The following SDR9C7 variants were observed in gnomAD, a reference collection of about 807,000 sequenced individuals.
SDR9C7 encodes the protein short-chain dehydrogenase/reductase family 9C member 7.
A neutral mutation model predicts 23.6 loss-of-function variants in SDR9C7; 11 were observed. That is an observed-to-expected ratio of 0.47 (90% CI 0.29 to 0.77). The LOEUF (loss-of-function observed/expected upper bound fraction) is 0.77, where lower values mean the gene tolerates loss of function less well. Among genes scored for constraint, SDR9C7 ranks in the 30% least tolerant of loss-of-function variants. The pLI is 0.09. For missense variants in SDR9C7, 387 were observed against 407.1 expected, an observed-to-expected ratio of 0.95 and a Z score of 0.42; for synonymous variants, 167 against 157.3, an observed-to-expected ratio of 1.06 and a Z score of -0.46.
At position 56,924,150 on chromosome 12, in the gene SDR9C7, C is replaced by T. The variant is rs892110921; in HGVS notation, c.725-100G>A. 53 of 802,270 alleles carry T rather than the reference C, an allele frequency of 6.6e-5. No individual in the cohort carries two copies. The Admixed American group carries it at 1.3e-3, about 20-fold the overall frequency. 49.7% of individuals were successfully genotyped at this position (802,270 alleles called of 1,614,324 possible). A position where few individuals can be genotyped will look rare whatever the true frequency, so the allele number is the denominator to read the frequency against. On this transcript the variant is annotated intron_variant, in intron 3 of 3. Transcript: ENST00000293502. Reference sequence around the variant, plus strand: ...GTTCCCTTTCCATCAGATCCCTGATCTAACATTTCAGGCAGGTCCGCCACA... The same window carrying T: ...GTTCCCTTTCCATCAGATCCCTGATTTAACATTTCAGGCAGGTCCGCCACA...
chr12:56,933,824 T>A (rs1674077445), intron 1 of SDR9C7, 137 bp downstream of exon 1: 1 of 1,022,576 alleles, frequency 9.8e-7, no homozygotes, highest in Non-Finnish European at 1.4e-6. Context: ...CCAATCAGAT[T>A]GAGGCAGGGG....
chr12:56,931,297 A>C (rs1380016744), intron 1 of SDR9C7, among the ~76,000 whole-genome samples: 1 of 152,010 alleles, frequency 6.6e-6, no homozygotes, highest in African/African-American at 2.4e-5. Context: ...AGTAAAATAC[A>C]GGGCAAAGGA....
chr12:56,927,646 G>T (rs1486119107), intron 3 of SDR9C7, among the ~76,000 whole-genome samples: 3 of 152,198 alleles, frequency 2.0e-5, no homozygotes, highest in Non-Finnish European at 2.9e-5. Flanking sequence ...CTCCAAGTCG[G>T]AGTGTACATT....
chr12:56,924,429 AAAAT>A (rs111368194), intron 3 of SDR9C7, among the ~76,000 whole-genome samples: 48 of 151,028 alleles, frequency 3.2e-4, no homozygotes, highest in Non-Finnish European at 5.8e-4. Flanking sequence ...ACGCTGTCTC[AAAAT>A]AAATAAATAA....
At chr12:56,930,075 C>G in intron 2 of SDR9C7, 151 bp downstream of exon 2, 1 of 964,694 alleles carries the variant, frequency 1.0e-6, no homozygotes. Flanking sequence ...GCTCTTGGTC[C>G]TTGGAGAAAG....
chr12:56,933,860 C>A, intron 1 of SDR9C7, 101 bp downstream of exon 1: 1 of 1,403,818 alleles, frequency 7.1e-7, no homozygotes, highest in South Asian at 1.4e-5. Flanking sequence ...CCCCTCCCAC[C>A]CAATCTGGAC....
rs570383599 is a variant in SDR9C7, at chr12:56,924,420, C to T, written c.725-370G>A. Among the ~76,000 whole-genome samples, 30 of 147,738 alleles carry T rather than the reference C, an allele frequency of 2.0e-4. No homozygotes were observed. In the East Asian group the frequency reaches 3.3e-3, roughly 16 times the overall value. ...CTCCAGCCTGGGAAACAGAATGACACGCTGTCTCAAAATAAATAAATAAAT... is the reference window on the plus strand; with the variant it reads ...CTCCAGCCTGGGAAACAGAATGACATGCTGTCTCAAAATAAATAAATAAAT... On this transcript the variant is annotated intron_variant, in intron 3 of 3. Coordinates refer to ENST00000293502, the MANE Select transcript of SDR9C7 (RefSeq NM_148897.3).
Position 56,930,470 on chromosome 12 carries a change from C to A in SDR9C7, c.316G>T (p.Val106Leu). The change falls in exon 2 of 4, where the codon GTG (valine) becomes TTG (leucine). Residue 106 changes from valine (V) to leucine (L), a missense_variant. Transcript: ENST00000293502. ...KVGEQGLWAL[V>L]NNAGVGLPSG... The stretch of plus-strand genomic sequence containing the variant: ...GGCAGGCCCACACCAGCATTGTTCA[C>A]CAGGGCCCAGAGGCCTGGGGGTGAG... The A allele has an allele frequency of 6.2e-7, 1 of 1,614,160 alleles. No homozygotes were observed. The highest frequency in any genetic ancestry group is 1.7e-5 in the Admixed American group (1 of 60,032).
At position 56,934,180 on chromosome 12, in the gene SDR9C7, C is replaced by T. The variant is rs778481010; in HGVS notation, c.82G>A (p.Val28Ile). The T allele has an allele frequency of 3.5e-5, 57 of 1,614,110 alleles. No individual in the cohort carries two copies. The East Asian group carries it at 8.2e-4, about 23-fold the overall frequency. ...CCAGAGTCACAGCCTGTGATGAAGA[C>T]GTACTTCTCTGAGAGGTTGCCAACC... is the stretch of plus-strand genomic sequence containing the variant. Reference protein sequence around the residue: ...NLVGNLSEKYVFITGCDSGFG... With the variant: ...NLVGNLSEKYIFITGCDSGFG... Residue 28 changes from valine to isoleucine, a missense_variant, in exon 1 of 4, where the codon GTC becomes ATC. By Grantham distance (29) the Val-to-Ile change is conservative. Transcript: ENST00000293502.
At chr12:56,929,310 T>C in intron 3 of SDR9C7, 80 bp downstream of exon 3, 1 of 1,406,112 alleles carries the variant, frequency 7.1e-7, no homozygotes, top group Non-Finnish European at 1.0e-6. Flanking sequence ...TGTCTCACCA[T>C]CTGTAAACGG....
At chr12:56,930,583 G>T in intron 1 of SDR9C7, 99 bp from the exon 2 acceptor site, 1 of 1,353,942 alleles carries the variant, frequency 7.4e-7, no homozygotes, top group Non-Finnish European at 1.0e-6. Context: ...TGGTTGAGCA[G>T]GTGCACAAGA....
Position 56,934,061 on chromosome 12 carries a change from C to A in SDR9C7, c.201G>T (p.Arg67=). The change falls in exon 1 of 4, where the codon CGG becomes CGT. Residue 67 remains arginine (R), a synonymous_variant. Coordinates refer to ENST00000293502, the MANE Select transcript of SDR9C7 (RefSeq NM_148897.3). ...FTEEGSQKLQ[R]DTSYRLQTTL... ...TGGTCTGCAGCCGATAGGAGGTATC[C>A]CGCTGAAGTTTCTGGGATCCCTCCT... 6.2e-7 allele frequency: 1 copy of A among 1,614,206 alleles called. No individual in the cohort carries two copies. Among genetic ancestry groups the A allele is most frequent in the Non-Finnish European group, 8.5e-7 (1 of 1,180,046 alleles).
At chr12:56,926,123 T>C (rs1955732320) in intron 3 of SDR9C7, among the ~76,000 whole-genome samples, 1 of 152,184 alleles carries the variant, frequency 6.6e-6, no homozygotes, top group African/African-American at 2.4e-5. Flanking sequence ...GTTTTTGTTA[T>C]TGGGAGAATT....
chr12:56,929,468 C>T lies in SDR9C7; in HGVS notation c.646G>A (p.Glu216Lys). The T allele has an allele frequency of 6.2e-7, 1 of 1,613,916 alleles. No homozygotes were observed. The highest frequency in any genetic ancestry group is 8.5e-7 in the Non-Finnish European group (1 of 1,179,794). ...RTAILGKENL[E>K]SRMRKLWERL... ...TCCCAAAGCTTTCGCATGCGTGACT[C>T]CAGGTTCTCCTTGCCGAGAATGGCT... The change falls in exon 3 of 4, where the codon GAG becomes AAG. Residue 216 changes from glutamate to lysine, a missense_variant. Physicochemically the swap from Glu to Lys is moderately conservative, Grantham distance 56. Transcript: ENST00000293502.
intron 3 of SDR9C7, among the ~76,000 whole-genome samples, chr12:56,926,950 C>A (rs1181650885): frequency 6.6e-6 from 1 of 152,196 alleles, no homozygotes; most frequent in Non-Finnish European, 1.5e-5. Flanking sequence ...TAGCAAGATT[C>A]TTCATGTGGT....
intron 1 of SDR9C7, among the ~76,000 whole-genome samples, chr12:56,931,516 A>G (rs1052952368): frequency 4.6e-5 from 7 of 152,136 alleles, no homozygotes; most frequent in African/African-American, 1.7e-4. Context: ...GCAGGGGCCC[A>G]GGGTTGAAGA....
chr12:56,923,932 C>T lies in SDR9C7; in HGVS notation c.843G>A (p.Leu281=). 3.7e-6 allele frequency: 6 copies of T among 1,614,118 alleles called. No homozygotes were observed. The highest frequency in any genetic ancestry group is 3.4e-6 in the Non-Finnish European group (4 of 1,179,994). Residue 281 remains leucine, a synonymous_variant, in exon 4 of 4, where the codon CTG becomes CTA. Transcript: ENST00000293502. The stretch of plus-strand genomic sequence containing the variant: ...GAGGGATGTAGAGGAGTTTGGCATC[C>T]AGGCCAGGGTTGTAGCGGATGCGAG... ...RSPRIRYNPG[L]DAKLLYIPLA...
chr12:56,928,050 AT>A (rs1955745168), intron 3 of SDR9C7, among the ~76,000 whole-genome samples: 1 of 152,020 alleles, frequency 6.6e-6, no homozygotes, highest in South Asian at 2.1e-4. Context: ...TACTCCAAAC[AT>A]TTTTCCCTGA....
chr12:56,929,626 C>T, intron 2 of SDR9C7, 73 bp from the exon 3 acceptor site: 3 of 1,545,220 alleles, frequency 1.9e-6, no homozygotes, highest in Non-Finnish European at 2.7e-6. Context: ...TCTGGATGGG[C>T]TGGTCTTTCA....
Sources: gnomAD v4.1 joint callset for allele counts (sites outside exome capture counted in the v4.1 genomes callset) on GRCh38, gnomAD v4.1.1 for gene constraint, MANE v1.5 for transcripts, NCBI Gene and HGNC (gene_info 2026-07-23, HGNC 2026-07-21) for gene names.